KLHL1: variants seen among roughly 807,000 people sequenced by gnomAD.
KLHL1 encodes the protein kelch like family member 1.
Under a neutral mutation model 77.7 loss-of-function variants are expected in KLHL1, and 47 were observed. The ratio of observed to expected loss-of-function variants is 0.60; its 90% CI spans 0.48 to 0.77. The LOEUF (loss-of-function observed/expected upper bound fraction) is 0.77, where lower values mean the gene tolerates loss of function less well. Ranked by LOEUF, KLHL1 falls within the 30% of genes least tolerant of loss-of-function variation. The pLI is 0.00. For missense variants in KLHL1, 925 were observed against 910.8 expected (o/e 1.02, Z -0.20); for synonymous variants, 360 against 325.2 (o/e 1.11, Z -1.15).
Position 69,734,513 on chromosome 13 carries a change from T to G in KLHL1, c.1802+5881A>C, listed in dbSNP as rs568169691. Reference sequence around the variant, plus strand: ...GAATTTAAAGACGAGTAAGTAGAACTAAGTCAAACGAAAATTATTAAGAAA... The same window carrying G: ...GAATTTAAAGACGAGTAAGTAGAACGAAGTCAAACGAAAATTATTAAGAAA... On this transcript the variant is annotated intron_variant, in intron 8 of 10. Coordinates refer to ENST00000377844, the MANE Select transcript of KLHL1 (RefSeq NM_020866.3). Among the ~76,000 whole-genome samples, 14 of 152,178 alleles carry G rather than the reference T, an allele frequency of 9.2e-5. No individual in the cohort carries two copies. In the East Asian group the frequency reaches 2.3e-3, roughly 25 times the overall value.
At chr13:69,815,907 TA>T (rs1241511797) in intron 6 of KLHL1, among the ~76,000 whole-genome samples, 3 of 151,048 alleles carry the variant, frequency 2.0e-5, no homozygotes, top group South Asian at 2.1e-4. Flanking sequence ...AATAGAGAAA[TA>T]AAAAACTGAA....
intron 4 of KLHL1, among the ~76,000 whole-genome samples, chr13:69,901,787 C>CTTTTTTTTT (rs1237100844): frequency 1.0e-4 from 8 of 80,142 alleles, no homozygotes; most frequent in Non-Finnish European, 1.2e-4. Flanking sequence ...CTTTCTTTTT[C>CTTTTTTTTT]TTTTTTTCTT....
chr13:69,869,637 C>T (rs1593903895), intron 5 of KLHL1, among the ~76,000 whole-genome samples: 1 of 152,058 alleles, frequency 6.6e-6, no homozygotes, highest in South Asian at 2.1e-4. Flanking sequence ...TGTGGAATTG[C>T]TCTTCTCTAG....
At chr13:69,921,563 C>T (rs1882635757) in intron 4 of KLHL1, among the ~76,000 whole-genome samples, 1 of 152,192 alleles carries the variant, frequency 6.6e-6, no homozygotes, top group Non-Finnish European at 1.5e-5. Context: ...CATACCAACG[C>T]ATTGTGAAGA....
At chr13:69,855,865 T>TATG (rs35877179) in intron 5 of KLHL1, among the ~76,000 whole-genome samples, 49 of 111,246 alleles carry the variant, frequency 4.4e-4, no homozygotes, top group African/African-American at 1.4e-3. Flanking sequence ...ATATAATATA[T>TATG]TATATATTAT....
chr13:69,720,391 C>A (rs1033624262), intron 8 of KLHL1, among the ~76,000 whole-genome samples: 13 of 152,042 alleles, frequency 8.6e-5, no homozygotes, highest in Admixed American at 8.5e-4. Flanking sequence ...TTGCTCACTA[C>A]ATATTTTTGA....
In KLHL1 at chr13:70,059,182, G is replaced by A. The variant is rs1886816372; in HGVS notation, c.497+48021C>T. On this transcript the variant is annotated intron_variant, in intron 1 of 10. Coordinates refer to ENST00000377844, the MANE Select transcript of KLHL1 (RefSeq NM_020866.3). ...CTTTTTTTTTTTTTTTTCCTGAGAT[G>A]GAATCTCACTCTGTCAGCCAGGCTG... Among the ~76,000 whole-genome samples, 3 of 146,376 alleles carry A rather than the reference G, an allele frequency of 2.0e-5. No homozygotes were observed. In the Admixed American group the frequency reaches 2.0e-4, roughly 10 times the overall value.
At chr13:69,768,743 A>C (rs936984536) in intron 7 of KLHL1, among the ~76,000 whole-genome samples, 3 of 152,160 alleles carry the variant, frequency 2.0e-5, no homozygotes, top group African/African-American at 7.2e-5. Context: ...TTATGTTTTT[A>C]TAGATTACTA....
chr13:69,964,356 T>C (rs550719304), intron 2 of KLHL1, among the ~76,000 whole-genome samples: 1 of 152,194 alleles, frequency 6.6e-6, no homozygotes, highest in Non-Finnish European at 1.5e-5. Flanking sequence ...TTGTTTGTTA[T>C]AGAAAGCTAG....
chr13:69,991,736 A>G (rs11148832), intron 1 of KLHL1, among the ~76,000 whole-genome samples: 54,876 of 151,668 alleles, frequency 0.36, 11,878 homozygotes, highest in African/African-American at 0.6. Context: ...AAGTGCAAAG[A>G]GGAGCATTCC....
intron 1 of KLHL1, among the ~76,000 whole-genome samples, chr13:69,993,616 A>T (rs1885079082): frequency 6.6e-6 from 1 of 152,094 alleles, no homozygotes; most frequent in Non-Finnish European, 1.5e-5. Context: ...TGCCATGCTG[A>T]CTGTGAATTC....
chr13:69,867,852 T>C (rs1295462736), intron 5 of KLHL1, among the ~76,000 whole-genome samples: 1 of 90,876 alleles, frequency 1.1e-5, no homozygotes, highest in Non-Finnish European at 2.0e-5. Flanking sequence ...GGGCCTGTTG[T>C]GGGGTGGGGG....
chr13:70,084,622 C>CTGTTTTTTTTTTTTTTTTT (rs1887481735), intron 1 of KLHL1, among the ~76,000 whole-genome samples: 1 of 14,956 alleles, frequency 6.7e-5, no homozygotes, highest in East Asian at 4.5e-3. Context: ...CCACGCCAGG[C>CTGTTTTTTTTTTTTTTTTT]TTTTTTTTTT....
At chr13:69,908,586 CAAATA>C (rs981757500) in intron 4 of KLHL1, among the ~76,000 whole-genome samples, 42 of 149,384 alleles carry the variant, frequency 2.8e-4, no homozygotes, top group African/African-American at 1.0e-3. Context: ...CATTTATAGA[CAAATA>C]AAAGGAAATA....
At chr13:69,773,837 C>G (rs987350344) in intron 7 of KLHL1, among the ~76,000 whole-genome samples, 4 of 150,548 alleles carry the variant, frequency 2.7e-5, no homozygotes, top group African/African-American at 9.8e-5. Flanking sequence ...ACAATTTTCT[C>G]TCTGGCACCC....
intron 8 of KLHL1, among the ~76,000 whole-genome samples, chr13:69,722,511 A>T (rs1266321922): frequency 6.6e-6 from 1 of 151,938 alleles, no homozygotes; most frequent in Non-Finnish European, 1.5e-5. Flanking sequence ...CAAACTTCCC[A>T]ACAAAGAAAA....
chr13:69,854,203 A>T (rs1364378), intron 5 of KLHL1, among the ~76,000 whole-genome samples: 7,227 of 152,052 alleles, frequency 0.048, 245 homozygotes, highest in African/African-American at 0.088. Flanking sequence ...AAAGAGGTTT[A>T]TTTGGCTCAT....
chr13:70,069,180 C>G (rs573859701), intron 1 of KLHL1, among the ~76,000 whole-genome samples: 169 of 152,224 alleles, frequency 1.1e-3, no homozygotes, highest in Admixed American at 1.7e-3. Context: ...AAGCCCCATA[C>G]GCTACCATCA....
At chr13:69,733,230 T>C (rs1352450417) in intron 8 of KLHL1, among the ~76,000 whole-genome samples, 1 of 148,676 alleles carries the variant, frequency 6.7e-6, no homozygotes, top group Non-Finnish European at 1.5e-5. Flanking sequence ...ATATGAAAGA[T>C]AAAAAAAAAA....
Sources: gnomAD v4.1 joint callset for allele counts (sites outside exome capture counted in the v4.1 genomes callset) on GRCh38, gnomAD v4.1.1 for gene constraint, MANE v1.5 for transcripts, NCBI Gene and HGNC (gene_info 2026-07-23, HGNC 2026-07-21) for gene names.